ANK2: variants seen among roughly 807,000 people sequenced by gnomAD.
ANK2 encodes ankyrin 2.
In ANK2, 83 loss-of-function variants were observed where a neutral mutation model predicts 360.5. That is an observed-to-expected ratio of 0.23 (90% confidence interval 0.19 to 0.28). The LOEUF (loss-of-function observed/expected upper bound fraction) is 0.28, where lower values mean the gene tolerates loss of function less well. ANK2 is among the 10% of genes least tolerant of loss of function. The probability of loss-of-function intolerance (pLI) is 1.00; values close to 1 mark genes in which losing one functional copy is unlikely to be tolerated. For synonymous variants in ANK2, 1,740 were observed against 1,759.5 expected, an observed-to-expected ratio of 0.99 and a Z score of 0.28; for missense variants, 4,201 against 4,795.7, an observed-to-expected ratio of 0.88 and a Z score of 3.66.
In ANK2 at chr4:113,282,795, C is replaced by A. The variant is rs1284675498; in HGVS notation, c.2002C>A (p.Leu668Met). 17 of 1,614,038 alleles carry A rather than the reference C, an allele frequency of 1.1e-5. No individual in the cohort carries two copies. The East Asian group carries it at 3.8e-4, about 36-fold the overall frequency. The change falls in exon 18 of 46, where the codon CTG (leucine) becomes ATG (methionine). Residue 668 changes from leucine (L) to methionine (M), a missense_variant. Leu to Met is a conservative substitution (Grantham distance 15). Around this residue, in one of 4 missense-constraint regions of ANK2, gnomAD observed 1,268 missense variants for 1,650.8 expected, o/e 0.77. Coordinates refer to ENST00000357077, the MANE Select transcript of ANK2 (RefSeq NM_001148.6). ...VTKQGVTPLH[L>M]ASQEGHTDMV... is the part of the protein sequence containing the mutation. The stretch of plus-strand genomic sequence containing the variant: ...AAAGCAAGGAGTAACTCCACTCCAT[C>A]TGGCCTCGCAGGAGGGGCACACAGA...
At chr4:113,127,467 T>G (rs1356697855) in intron 1 of ANK2, among the ~76,000 whole-genome samples, 1 of 65,110 alleles carries the variant, frequency 1.5e-5, no homozygotes, top group African/African-American at 5.9e-5. Context: ...TCTTTTTTTG[T>G]TTTTTTTTTT....
intron 2 of ANK2, among the ~76,000 whole-genome samples, chr4:112,933,023 G>T (rs1345142171): frequency 6.6e-6 from 1 of 152,124 alleles, no homozygotes; most frequent in African/African-American, 2.4e-5. Context: ...TGTAAAAAAT[G>T]TTTTGGATAT....
At chr4:113,249,611 C>T (rs924513328) in intron 9 of ANK2, among the ~76,000 whole-genome samples, 153 bp from the exon 10 acceptor site, 3 of 152,202 alleles carry the variant, frequency 2.0e-5, no homozygotes, top group Non-Finnish European at 4.4e-5. Context: ...CTCTTTCACT[C>T]ATCTTTCTGG....
chr4:112,855,534 T>C (rs572912108), intron 1 of ANK2, among the ~76,000 whole-genome samples: 2 of 152,240 alleles, frequency 1.3e-5, no homozygotes, highest in East Asian at 1.9e-4. Context: ...ACAGTCTTTT[T>C]CCCCCTGAAT....
In ANK2 at chr4:113,085,723, T is replaced by TG. The variant is rs1457163748; in HGVS notation, c.84+35913dup. 3.9e-5 allele frequency among the ~76,000 whole-genome samples: 6 copies of TG among 152,122 alleles called. No homozygotes were observed. The East Asian group carries it at 1.2e-3, about 29-fold the overall frequency. ...ATTATTTGAAGGGCCTGTTAGAGAG[T>TG]GGCTGGCTGTGAGGAACCTGGCTGG... On this transcript the variant is annotated intron_variant, in intron 1 of 45. Transcript: ENST00000357077.
chr4:112,790,827 A>G, the ANK2 span, among the ~76,000 whole-genome samples: 1 of 152,178 alleles, frequency 6.6e-6, no homozygotes, highest in East Asian at 1.9e-4. Context: ...GTGGGGAGAA[A>G]TAAAAAGTAG....
intron 32 of ANK2, among the ~76,000 whole-genome samples, chr4:113,339,639 G>A (rs1377199161): frequency 6.6e-6 from 1 of 152,222 alleles, no homozygotes; most frequent in Admixed American, 6.5e-5. Context: ...ATAATTTCCT[G>A]TTGTCAGCAA....
At chr4:112,860,305 C>T (rs1283624896) in intron 1 of ANK2, among the ~76,000 whole-genome samples, 1 of 152,084 alleles carries the variant, frequency 6.6e-6, no homozygotes, top group Non-Finnish European at 1.5e-5. Flanking sequence ...TGGCTCACTG[C>T]AACCTCCGCC....
the ANK2 span, among the ~76,000 whole-genome samples, chr4:112,751,387 A>G: frequency 6.6e-6 from 1 of 152,242 alleles, no homozygotes; most frequent in Non-Finnish European, 1.5e-5. Flanking sequence ...TGGCTCAGCC[A>G]TTAACTAGCT....
intron 36 of ANK2, 96 bp downstream of exon 36, chr4:113,348,404 C>T (rs1010236132): frequency 4.0e-5 from 54 of 1,361,066 alleles, no homozygotes; most frequent in East Asian, 1.6e-4. Context: ...ACGGGGTAGG[C>T]GGTTCTTCTT....
At chr4:113,151,112 C>T in intron 1 of ANK2, 1 of 1,288,874 alleles carries the variant, frequency 7.8e-7, no homozygotes, top group South Asian at 1.2e-5. Context: ...CAGAGGCCGC[C>T]AACATTGAAA....
chr4:113,113,351 T>G (rs2154366926), intron 1 of ANK2, among the ~76,000 whole-genome samples: 1 of 152,272 alleles, frequency 6.6e-6, no homozygotes, highest in South Asian at 2.1e-4. Flanking sequence ...AGGGGGAGAT[T>G]AAGTTGCATG....
At chr4:112,714,657 AATACAGAGAG>A in the ANK2 span, among the ~76,000 whole-genome samples, 1 of 152,252 alleles carries the variant, frequency 6.6e-6, no homozygotes, top group Non-Finnish European at 1.5e-5. Context: ...CTACTTGATG[AATACAGAGAG>A]TTCCCAGAGG....
Position 113,332,058 on chromosome 4 carries a change from C to A in ANK2, c.3212C>A (p.Thr1071Asn). ...SRILQLGPPG[T>N]KFLGPVIVEI... ...ATTCTTCAGCTGGGGCCTCCTGGAA[C>A]CAAATTCCTTGGGTAGGAGTGACTT... The change falls in exon 28 of 46, where the codon ACC becomes AAC. Residue 1071 changes from threonine (T) to asparagine (N), a missense_variant. Thr to Asn is a moderately conservative substitution (Grantham distance 65). This residue lies in a region of ANK2 where 1,268 missense variants were observed against 1,650.8 expected (regional missense o/e 0.77). Coordinates refer to ENST00000357077, the MANE Select transcript of ANK2 (RefSeq NM_001148.6). 6.2e-7 allele frequency: 1 copy of A among 1,613,962 alleles called. No homozygotes were observed. The highest frequency in any genetic ancestry group is 8.5e-7 in the Non-Finnish European group (1 of 1,179,838).
At chr4:112,961,280 C>A (rs2034665361) in intron 2 of ANK2, among the ~76,000 whole-genome samples, 2 of 151,932 alleles carry the variant, frequency 1.3e-5, no homozygotes, top group African/African-American at 4.8e-5. Flanking sequence ...AACAACATAA[C>A]TATTGAATGC....
At chr4:112,883,472 A>G (rs1188586239) in intron 1 of ANK2, among the ~76,000 whole-genome samples, 2 of 152,186 alleles carry the variant, frequency 1.3e-5, no homozygotes, top group Non-Finnish European at 2.9e-5. Context: ...GATGAAACAT[A>G]TTTGAAAACA....
At chr4:113,166,341 T>A (rs1187961499) in intron 1 of ANK2, among the ~76,000 whole-genome samples, 1 of 152,130 alleles carries the variant, frequency 6.6e-6, no homozygotes, top group Non-Finnish European at 1.5e-5. Flanking sequence ...GTCACACTTC[T>A]ATTATGTCAT....
intron 14 of ANK2, among the ~76,000 whole-genome samples, chr4:113,270,811 G>A (rs1047705341): frequency 3.9e-5 from 6 of 152,190 alleles, no homozygotes; most frequent in Admixed American, 6.5e-5. Flanking sequence ...TTGGGATTAT[G>A]TTTCAAGCAG....
the ANK2 span, among the ~76,000 whole-genome samples, chr4:112,746,013 A>G: frequency 6.6e-6 from 1 of 151,650 alleles, no homozygotes; most frequent in Non-Finnish European, 1.5e-5. Flanking sequence ...GTTTTTTTTC[A>G]ATAATCCTGT....
Sources: allele counts gnomAD v4.1 joint callset (sites outside exome capture counted in the v4.1 genomes callset), GRCh38; gene constraint gnomAD v4.1.1; regional missense constraint gnomAD v4.1.1; transcripts MANE v1.5; gene names NCBI Gene and HGNC (gene_info 2026-07-23, HGNC 2026-07-21).